PTBP1: variants seen among roughly 807,000 people sequenced by gnomAD.
PTBP1 encodes polypyrimidine tract-binding protein 1.
PTBP1 carries 8 observed loss-of-function variants against 59.8 expected under a neutral mutation model. That is an observed-to-expected ratio of 0.13 (90% CI 0.08 to 0.24). The LOEUF (loss-of-function observed/expected upper bound fraction) is 0.24. Ranked by LOEUF, PTBP1 falls within the 10% of genes least tolerant of loss-of-function variation. The probability of loss-of-function intolerance (pLI) is 1.00; values close to 1 mark genes in which losing one functional copy is unlikely to be tolerated. For missense variants in PTBP1, 686 were observed against 767.0 expected (o/e 0.89, Z 1.25); for synonymous variants, 490 against 320.7 (o/e 1.53, Z -5.64).
intron 1 of PTBP1, 29 bp from the exon 2 acceptor site, chr19:799,384 A>G (rs1350301843): frequency 6.2e-7 from 1 of 1,612,632 alleles, no homozygotes; most frequent in Non-Finnish European, 8.5e-7. Context: ...CCACCAGGCT[A>G]ACGTTGTCTC....
chr19:806,664 C>T (rs1852376169), intron 10 of PTBP1, 108 bp downstream of exon 10: 8 of 1,145,778 alleles, frequency 7.0e-6, no homozygotes, highest in East Asian at 3.2e-5. Flanking sequence ...TGTGTCTGCG[C>T]CTCTGCCCTG....
At chr19:805,805 A>G (rs1297650436) in intron 9 of PTBP1, 2 of 557,364 alleles carry the variant, frequency 3.6e-6, no homozygotes, top group South Asian at 2.0e-5. Context: ...CTAATCGCAC[A>G]GTCTTTGTGG....
chr19:811,056 T>A lies in PTBP1; in HGVS notation c.*230T>A. Reference sequence around the variant, plus strand: ...CTGTGGCAGCGGGAGTTCCCGGCCCTCCACACCCGGGGCCAGACCCTCGGG... The same window carrying A: ...CTGTGGCAGCGGGAGTTCCCGGCCCACCACACCCGGGGCCAGACCCTCGGG... On this transcript the variant is annotated 3_prime_UTR_variant, in exon 15 of 15. Coordinates refer to ENST00000356948, the MANE Select transcript of PTBP1 (RefSeq NM_002819.5). 2.1e-6 allele frequency: 1 copy of A among 465,726 alleles called. No individual in the cohort carries two copies. The highest frequency in any genetic ancestry group is 4.5e-5 in the Admixed American group (1 of 22,428). The allele number at this position is 465,726 out of a possible 1,614,324, so 28.8% of individuals were successfully genotyped here.
intron 13 of PTBP1, among the ~76,000 whole-genome samples, chr19:810,300 C>T (rs2034795562): frequency 7.0e-6 from 1 of 142,362 alleles, no homozygotes; most frequent in Admixed American, 7.5e-5. Context: ...AGCAAGATTC[C>T]ATCTGGAAAA....
At chr19:806,255 G>C (rs1419467040) in intron 9 of PTBP1, 153 bp from the exon 10 acceptor site, 10 of 838,466 alleles carry the variant, frequency 1.2e-5, no homozygotes, top group Non-Finnish European at 1.7e-5. Context: ...GCGGGGGTCG[G>C]ACGACCCCAC....
intron 2 of PTBP1, among the ~76,000 whole-genome samples, chr19:802,695 G>A (rs562463673): frequency 2.0e-5 from 3 of 152,340 alleles, no homozygotes; most frequent in African/African-American, 4.8e-5. Flanking sequence ...TTTGTTTTCT[G>A]TGTAACTAAG....
In PTBP1 at chr19:801,664, A is replaced by G. The variant is rs1250149095; in HGVS notation, c.40-1897A>G. Among the ~76,000 whole-genome samples, 3 of 152,156 alleles carry G rather than the reference A, an allele frequency of 2.0e-5. No homozygotes were observed. In the East Asian group the frequency reaches 5.8e-4, roughly 29 times the overall value. On this transcript the variant is annotated intron_variant, in intron 2 of 14. Transcript: ENST00000356948. Reference sequence around the variant, plus strand: ...TGGGCTCCCCCAGCCTCTGAGCTGGAGGGGAGAGCAGACAGGAAGCGACTT... The same window carrying G: ...TGGGCTCCCCCAGCCTCTGAGCTGGGGGGGAGAGCAGACAGGAAGCGACTT...
At chr19:798,167 C>G (rs544305723) in intron 1 of PTBP1, among the ~76,000 whole-genome samples, 1 of 152,004 alleles carries the variant, frequency 6.6e-6, no homozygotes, top group Non-Finnish European at 1.5e-5. Flanking sequence ...GCGGCCGCCC[C>G]GAGGGTCTGT....
At chr19:801,990 A>G (rs2034356919) in intron 2 of PTBP1, among the ~76,000 whole-genome samples, 3 of 152,192 alleles carry the variant, frequency 2.0e-5, no homozygotes, top group Admixed American at 1.3e-4. Context: ...CTCTGACCCT[A>G]AAGTCTTGGG....
chr19:808,932 AAGGG>A lies in PTBP1; in HGVS notation c.1463+175_1463+178del, dbSNP rs2034714522. Among the ~76,000 whole-genome samples the A allele has an allele frequency of 6.6e-6, 1 of 152,148 alleles. No individual in the cohort carries two copies. The highest frequency in any genetic ancestry group is 1.5e-5 in the Non-Finnish European group (1 of 68,036). On this transcript the variant is annotated intron_variant, in intron 13 of 14. Coordinates refer to ENST00000356948, the MANE Select transcript of PTBP1 (RefSeq NM_002819.5). This position sits in a 1 kb window ranked among gnomAD's most constrained non-coding sequence, Gnocchi z 4.7. ...CTGGAGCTTGAGCCGAGGGCTGCTCAAGGGAGGGGGTCGTTGGACACTTTGGAGG... is the reference window on the plus strand; with the variant it reads ...CTGGAGCTTGAGCCGAGGGCTGCTCAAGGGGGTCGTTGGACACTTTGGAGG...
In PTBP1 at chr19:805,512, G is replaced by T; in HGVS notation, c.913G>T (p.Ala305Ser). Residue 305 changes from alanine to serine, a missense_variant, in exon 9 of 15, where the codon GCC (alanine) becomes TCC (serine). By Grantham distance (99) the Ala-to-Ser change is moderately conservative. Transcript: ENST00000356948. ...AAFGAPGIISASPYAGAGFPP... is the reference protein window; with the variant it reads ...AAFGAPGIISSSPYAGAGFPP... ...TCTAGGTGCACCTGGTATAATCTCA[G>T]CCTCTCCGTATGCAGGAGCTGGTTT... 6.2e-7 allele frequency: 1 copy of T among 1,613,764 alleles called. No homozygotes were observed. Among genetic ancestry groups the T allele is most frequent in the African/African-American group, 1.3e-5 (1 of 75,054 alleles).
chr19:805,747 G>A, intron 9 of PTBP1, 178 bp downstream of exon 9: 1 of 627,086 alleles, frequency 1.6e-6, no homozygotes, highest in South Asian at 1.8e-5. Flanking sequence ...GGCAGTGGTA[G>A]GACAGGGCTG....
chr19:805,912 C>T, intron 9 of PTBP1: 1 of 339,744 alleles, frequency 2.9e-6, no homozygotes, highest in Non-Finnish European at 5.5e-6. Context: ...GGTAAGCGCG[C>T]GGCCCGAGGC....
intron 1 of PTBP1, 36 bp from the exon 2 acceptor site, chr19:799,373 GCCAC>G (rs1568262150): frequency 9.3e-6 from 15 of 1,606,476 alleles, no homozygotes; most frequent in Non-Finnish European, 1.3e-5. Context: ...CTGCTGAGTG[GCCAC>G]CAGGCTAACG....
chr19:798,325 G>A (rs1302165884), intron 1 of PTBP1: 1 of 152,178 alleles, frequency 6.6e-6, no homozygotes, highest in Admixed American at 6.5e-5. Context: ...GCCCCCTCCA[G>A]AAAGGCCGTG....
intron 10 of PTBP1, chr19:806,791 T>G (rs2034601837): frequency 2.2e-6 from 1 of 451,858 alleles, no homozygotes. Context: ...CAGAATGAAT[T>G]ATTTTTTGGT....
chr19:807,933 G>T (rs1234594793), intron 11 of PTBP1, 31 bp downstream of exon 11: 1 of 1,591,624 alleles, frequency 6.3e-7, no homozygotes, highest in South Asian at 1.1e-5. Context: ...TTATTACCTT[G>T]TTTTCATTAA....
rs774884129 is a variant in PTBP1 at position 806,433 on chromosome 19, C to T, written c.996C>T (p.Gly332=). 12 of 1,602,104 alleles carry T rather than the reference C, an allele frequency of 7.5e-6. No individual in the cohort carries two copies. The highest frequency in any genetic ancestry group is 1.7e-4 in the Middle Eastern group (1 of 6,038). Residue 332 remains glycine, a synonymous_variant, in exon 10 of 15, where the codon GGC becomes GGT. Transcript: ENST00000356948. ...AAGLSVPNVH[G]ALAPLAIPSA... ...GCCTTTCCGTTCCGAACGTCCACGG[C>T]GCCCTGGCCCCCCTGGCCATCCCCT...
In PTBP1 at chr19:811,987, C is replaced by T. The variant is rs994923211; in HGVS notation, c.*1161C>T. The T allele has an allele frequency of 3.9e-5, 6 of 152,386 alleles. No homozygotes were observed. The highest frequency in any genetic ancestry group is 1.9e-4 in the East Asian group (1 of 5,198). 9.4% of individuals were successfully genotyped at this position (152,386 alleles called of 1,614,324 possible). ...GTCCCGGGGGCTCTCCTAGGATCCC[C>T]TTTCCGTAAAAGCGTGTAACAAGGG... On this transcript the variant is annotated 3_prime_UTR_variant, in exon 15 of 15. Transcript: ENST00000356948.
Sources: allele counts gnomAD v4.1 joint callset (sites outside exome capture counted in the v4.1 genomes callset), GRCh38; gene constraint gnomAD v4.1.1; non-coding constraint Gnocchi (gnomAD v3.1); transcripts MANE v1.5; gene names NCBI Gene and HGNC (gene_info 2026-07-23, HGNC 2026-07-21).